Variants in CADPS2 observed in about 807,000 individuals in gnomAD.
CADPS2 encodes the protein calcium-dependent secretion activator 2.
CADPS2 carries 93 observed loss-of-function variants against 172.5 expected under a neutral mutation model. The observed-to-expected ratio is 0.54, with a 90% CI of 0.46 to 0.64. The LOEUF (loss-of-function observed/expected upper bound fraction) is 0.64, where lower values mean the gene tolerates loss of function less well. Among genes scored for constraint, CADPS2 ranks in the 30% least tolerant of loss-of-function variants. The probability of loss-of-function intolerance (pLI) is 0.00; values close to 1 mark genes in which losing one functional copy is unlikely to be tolerated. For missense variants in CADPS2, 1,420 were observed against 1,565.9 expected, an observed-to-expected ratio of 0.91 and a Z score of 1.57; for synonymous variants, 546 against 555.2, an observed-to-expected ratio of 0.98 and a Z score of 0.23.
At chr7:122,329,007 A>G (rs2034447924) in intron 28 of CADPS2, among the ~76,000 whole-genome samples, 1 of 152,158 alleles carries the variant, frequency 6.6e-6, no homozygotes. Flanking sequence ...TTGACAATGA[A>G]AGAGTGTTGA....
At chr7:122,567,473 C>T (rs1005510615) in intron 7 of CADPS2, among the ~76,000 whole-genome samples, 4 of 152,144 alleles carry the variant, frequency 2.6e-5, no homozygotes, top group African/African-American at 7.2e-5. Context: ...CTGAACATCC[C>T]CTTTTTTTCT....
intron 1 of CADPS2, among the ~76,000 whole-genome samples, chr7:122,784,551 T>G (rs12706448): frequency 0.23 from 34,886 of 152,116 alleles, 4,152 homozygotes; most frequent in South Asian, 0.34. Flanking sequence ...TCAAGTCCTT[T>G]TCTTAATCTA....
At chr7:122,393,959 A>G (rs1428123315) in intron 20 of CADPS2, among the ~76,000 whole-genome samples, 2 of 152,202 alleles carry the variant, frequency 1.3e-5, no homozygotes, top group African/African-American at 2.4e-5. Context: ...CAGAGTTACA[A>G]TCTCTGTGCT....
At position 122,770,144 on chromosome 7, in the gene CADPS2, A is replaced by G. The variant is rs924848435; in HGVS notation, c.340-33076T>C. On this transcript the variant is annotated intron_variant, in intron 1 of 29. Transcript: ENST00000449022. ...GGTCTCACTGAAGAACTCAACCCTCAGCACACCTTACCTCACTTAAATAAG... is the reference window on the plus strand; with the variant it reads ...GGTCTCACTGAAGAACTCAACCCTCGGCACACCTTACCTCACTTAAATAAG... 3.3e-5 allele frequency among the ~76,000 whole-genome samples: 5 copies of G among 152,182 alleles called. 1 individual carries two copies. Among genetic ancestry groups the G allele is most frequent in the African/African-American group, 1.2e-4 (5 of 41,446 alleles).
chr7:122,635,374 A>G (rs2076969792), intron 3 of CADPS2, among the ~76,000 whole-genome samples: 1 of 151,566 alleles, frequency 6.6e-6, no homozygotes, highest in Admixed American at 6.6e-5. Flanking sequence ...GGTGTGCTGC[A>G]CCCATTAACT....
In CADPS2 at chr7:122,447,543, A is replaced by ATTTTTTTTTTTTTT. The variant is rs1159112244; in HGVS notation, c.2288+3817_2288+3830dup. Among the ~76,000 whole-genome samples the ATTTTTTTTTTTTTT allele has an allele frequency of 2.6e-3, 233 of 89,778 alleles. 43 individuals carry two copies. Among genetic ancestry groups the ATTTTTTTTTTTTTT allele is most frequent in the East Asian group, 0.012 (31 of 2,592 alleles). 58.9% of individuals were successfully genotyped at this position (89,778 alleles called of 152,430 possible). A position where few individuals can be genotyped will look rare whatever the true frequency, so the allele number is the denominator to read the frequency against. On this transcript the variant is annotated intron_variant, in intron 15 of 29. Coordinates refer to ENST00000449022, the MANE Select transcript of CADPS2 (RefSeq NM_017954.11). Reference sequence around the variant, plus strand: ...CCATGTTGATTTCTTGTTTCGGGGAATTTTTTTTTTTTTTTTTTTTTTTTT... The same window carrying ATTTTTTTTTTTTTT: ...CCATGTTGATTTCTTGTTTCGGGGAATTTTTTTTTTTTTTTTTTTTTTTTTTTTTTTTTTTTTTT...
rs1037357257 is a variant in CADPS2 at position 122,625,785 on chromosome 7, A to C, written c.867+3463T>G. Among the ~76,000 whole-genome samples the C allele has an allele frequency of 1.4e-4, 21 of 151,828 alleles. No homozygotes were observed. In the South Asian group the frequency reaches 1.5e-3, roughly 11 times the overall value. ...TCTCTCTCTCTCTCCCTGCCCTCCC[A>C]CACACACACACATATATATACACAC... On this transcript the variant is annotated intron_variant, in intron 4 of 29. Coordinates refer to ENST00000449022, the MANE Select transcript of CADPS2 (RefSeq NM_017954.11).
intron 1 of CADPS2, among the ~76,000 whole-genome samples, chr7:122,836,450 G>A (rs537029634): frequency 6.6e-6 from 1 of 152,200 alleles, no homozygotes; most frequent in East Asian, 1.9e-4. Flanking sequence ...AAATGTAAAT[G>A]GGCTAAATCC....
At chr7:122,324,824 G>A (rs1395582432) in intron 29 of CADPS2, among the ~76,000 whole-genome samples, 1 of 152,074 alleles carries the variant, frequency 6.6e-6, no homozygotes, top group African/African-American at 2.4e-5. Context: ...TTTACAAAGT[G>A]TGAAAAATTA....
intron 5 of CADPS2, among the ~76,000 whole-genome samples, chr7:122,616,354 T>G (rs1246082457): frequency 1.3e-5 from 2 of 152,204 alleles, no homozygotes; most frequent in East Asian, 3.9e-4. Flanking sequence ...AGTCATCACA[T>G]TTTTTAGAGT....
At chr7:122,783,022 C>CA (rs1424235296) in intron 1 of CADPS2, among the ~76,000 whole-genome samples, 5 of 151,918 alleles carry the variant, frequency 3.3e-5, no homozygotes, top group Admixed American at 6.6e-5. Context: ...TATATCCTAG[C>CA]TAACACAGTG....
intron 2 of CADPS2, chr7:122,698,979 AT>A: frequency 8.3e-7 from 1 of 1,200,204 alleles, no homozygotes; most frequent in Non-Finnish European, 1.2e-6. Context: ...TTGACAATTA[AT>A]TTAAAATAAC....
chr7:122,728,378 T>G (rs541568727), intron 2 of CADPS2, among the ~76,000 whole-genome samples: 1 of 151,972 alleles, frequency 6.6e-6, no homozygotes, highest in African/African-American at 2.4e-5. Flanking sequence ...GGTATAATGT[T>G]AGGGGAAGAA....
At chr7:122,362,354 A>G (rs2040264072) in intron 25 of CADPS2, among the ~76,000 whole-genome samples, 1 of 152,210 alleles carries the variant, frequency 6.6e-6, no homozygotes, top group African/African-American at 2.4e-5. Flanking sequence ...TCCATCACTC[A>G]GTAGAATGCA....
chr7:122,857,365 T>C (rs1328808567), intron 1 of CADPS2, among the ~76,000 whole-genome samples: 1 of 152,118 alleles, frequency 6.6e-6, no homozygotes, highest in Non-Finnish European at 1.5e-5. Flanking sequence ...GATGTATGAG[T>C]AATAAAGAAA....
At chr7:122,434,255 T>C (rs1001990574) in intron 17 of CADPS2, among the ~76,000 whole-genome samples, 1 of 152,162 alleles carries the variant, frequency 6.6e-6, no homozygotes, top group African/African-American at 2.4e-5. Context: ...TTAGCAATCA[T>C]TGTAGGTGTG....
At chr7:122,673,026 G>T (rs530190399) in intron 2 of CADPS2, among the ~76,000 whole-genome samples, 17 of 152,278 alleles carry the variant, frequency 1.1e-4, no homozygotes, top group African/African-American at 3.4e-4. Flanking sequence ...GCAGACCTTC[G>T]CAGTGTTACA....
intron 14 of CADPS2, among the ~76,000 whole-genome samples, chr7:122,458,633 TA>T (rs1230971594): frequency 6.6e-6 from 1 of 152,178 alleles, no homozygotes; most frequent in African/African-American, 2.4e-5. Flanking sequence ...ATGTTTATTT[TA>T]AAAAGGGTAG....
At chr7:122,380,657 A>G (rs2042892314) in intron 24 of CADPS2, among the ~76,000 whole-genome samples, 1 of 151,968 alleles carries the variant, frequency 6.6e-6, no homozygotes, top group African/African-American at 2.4e-5. Flanking sequence ...TGTCTGAATT[A>G]TTTTCTTTTT....
Sources: gnomAD v4.1 joint callset for allele counts (sites outside exome capture counted in the v4.1 genomes callset) on GRCh38, gnomAD v4.1.1 for gene constraint, MANE v1.5 for transcripts, NCBI Gene and HGNC (gene_info 2026-07-23, HGNC 2026-07-21) for gene names.